The following VGLL4 variants were observed in gnomAD, a reference collection of about 807,000 sequenced individuals.
VGLL4 encodes vestigial like family member 4.
Under a neutral mutation model 21.0 loss-of-function variants are expected in VGLL4, and 7 were observed. The observed-to-expected ratio is 0.33, with a 90% confidence interval of 0.19 to 0.63. VGLL4 has a LOEUF of 0.63. VGLL4 is among the 20% of genes least tolerant of loss of function. The probability of loss-of-function intolerance (pLI) is 0.78; values close to 1 mark genes in which losing one functional copy is unlikely to be tolerated. For synonymous variants in VGLL4, 222 were observed against 173.2 expected (o/e 1.28, Z -2.21); for missense variants, 394 against 425.7 (o/e 0.93, Z 0.66).
intron 2 of VGLL4, among the ~76,000 whole-genome samples, chr3:11,664,022 C>T (rs532148624): frequency 2.0e-5 from 3 of 152,162 alleles, no homozygotes; most frequent in Admixed American, 1.3e-4. Flanking sequence ...GAGTCCAAGG[C>T]GGGAGGATCA....
intron 2 of VGLL4, among the ~76,000 whole-genome samples, chr3:11,586,023 T>C (rs2125234744): frequency 6.6e-6 from 1 of 152,220 alleles, no homozygotes; most frequent in African/African-American, 2.4e-5. Flanking sequence ...CCCTTCCCCC[T>C]GCAAAGTGGG....
intron 1 of VGLL4, chr3:11,611,481 T>C (rs1215198723): frequency 6.6e-6 from 1 of 152,178 alleles, no homozygotes; most frequent in Non-Finnish European, 1.5e-5. Flanking sequence ...AGTTAATACA[T>C]TTCTGTTGTT....
intron 1 of VGLL4, among the ~76,000 whole-genome samples, chr3:11,636,465 C>T (rs996881924): frequency 3.3e-5 from 5 of 152,200 alleles, no homozygotes; most frequent in Non-Finnish European, 7.3e-5. Flanking sequence ...TAGAAACGTG[C>T]TGCTCTCTAA....
In VGLL4 at chr3:11,561,891, C is replaced by CTTTT. The variant is rs35380668; in HGVS notation, c.496-2440_496-2437dup. ...AACCCCCAAGGCTGGCTGCGCCAAA[C>CTTTT]TTTTTTTTTTTTTTTTTTTTTTTTT... On this transcript the variant is annotated intron_variant, in intron 3 of 4. Transcript: ENST00000430365. Among the ~76,000 whole-genome samples the CTTTT allele has an allele frequency of 9.1e-3, 805 of 88,588 alleles. 22 individuals carry two copies. Among genetic ancestry groups the CTTTT allele is most frequent in the African/African-American group, 0.034 (740 of 21,512 alleles). 58.1% of individuals were successfully genotyped at this position (88,588 alleles called of 152,430 possible).
At chr3:11,566,711 G>A (rs2073549160) in intron 2 of VGLL4, among the ~76,000 whole-genome samples, 1 of 152,136 alleles carries the variant, frequency 6.6e-6, no homozygotes, top group Non-Finnish European at 1.5e-5. Context: ...GCCAACCACA[G>A]CTGCAGTGTA....
intron 1 of VGLL4, among the ~76,000 whole-genome samples, chr3:11,640,594 G>A (rs1395916671): frequency 1.3e-5 from 2 of 152,080 alleles, no homozygotes; most frequent in Non-Finnish European, 2.9e-5. Flanking sequence ...TCTCCCTAAC[G>A]TCTCCTTCTC....
chr3:11,567,067 G>A (rs959443011), intron 2 of VGLL4, among the ~76,000 whole-genome samples: 1 of 151,994 alleles, frequency 6.6e-6, no homozygotes, highest in Non-Finnish European at 1.5e-5. Flanking sequence ...CTGAGCAGGA[G>A]AAGCACCAGA....
chr3:11,623,752 T>A (rs960469343), intron 1 of VGLL4, among the ~76,000 whole-genome samples: 2 of 151,786 alleles, frequency 1.3e-5, no homozygotes, highest in East Asian at 1.9e-4. Flanking sequence ...AAATTTTCTT[T>A]TTTTTTTTTT....
rs527490141 is a variant in VGLL4, at chr3:11,565,205, C to T, written c.273-186G>A. Reference sequence around the variant, plus strand: ...GCCGGACACCAAAGCCTCTGGGTGCCGGAGAAGCTGCTGCCAGCGGAGTCC... The same window carrying T: ...GCCGGACACCAAAGCCTCTGGGTGCTGGAGAAGCTGCTGCCAGCGGAGTCC... On this transcript the variant is annotated intron_variant, in intron 2 of 4. Coordinates refer to ENST00000430365, the MANE Select transcript of VGLL4 (RefSeq NM_001128219.3). The surrounding 1 kb of genome is among the most constrained non-coding windows in gnomAD (Gnocchi z 4.1). Among the ~76,000 whole-genome samples, 2 of 152,224 alleles carry T rather than the reference C, an allele frequency of 1.3e-5. No individual in the cohort carries two copies. Among genetic ancestry groups the T allele is most frequent in the East Asian group, 1.9e-4 (1 of 5,166 alleles).
intron 2 of VGLL4, among the ~76,000 whole-genome samples, chr3:11,672,853 G>A (rs1216029434): frequency 6.6e-6 from 1 of 152,154 alleles, no homozygotes; most frequent in East Asian, 1.9e-4. Context: ...TTATAAACAC[G>A]TACCTAAGAA....
intron 1 of VGLL4, among the ~76,000 whole-genome samples, chr3:11,715,396 C>G (rs1043088549): frequency 2.6e-5 from 4 of 151,982 alleles, no homozygotes; most frequent in Non-Finnish European, 5.9e-5. Context: ...TGCAATGGTG[C>G]GATCTCAGCT....
intron 2 of VGLL4, among the ~76,000 whole-genome samples, chr3:11,601,047 T>A (rs560936617): frequency 6.6e-6 from 1 of 152,260 alleles, no homozygotes; most frequent in South Asian, 2.1e-4. Context: ...AGCCTCTCCC[T>A]CTGCGAGGAG....
chr3:11,678,866 T>A (rs1008758763), intron 2 of VGLL4, among the ~76,000 whole-genome samples: 2 of 152,214 alleles, frequency 1.3e-5, no homozygotes, highest in Admixed American at 1.3e-4. Context: ...ACAGATGGCA[T>A]ATGCCACGGT....
At chr3:11,643,402 A>G (rs1447694836) in intron 1 of VGLL4, 35 bp downstream of exon 1, 2 of 1,613,916 alleles carry the variant, frequency 1.2e-6, no homozygotes, top group South Asian at 2.2e-5. Flanking sequence ...GGCCGGGACG[A>G]GCAACGGGCA....
At chr3:11,585,445 AAGAG>A (rs200204453) in intron 2 of VGLL4, among the ~76,000 whole-genome samples, 3,251 of 151,080 alleles carry the variant, frequency 0.022, 108 homozygotes, top group African/African-American at 0.073. Flanking sequence ...AAAAAAAAAA[AAGAG>A]AGAGAGAGAG....
In VGLL4 at chr3:11,559,386, C is replaced by A. The variant is rs200044987; in HGVS notation, c.565G>T (p.Ala189Ser). 1.9e-6 allele frequency: 3 copies of A among 1,557,866 alleles called. No homozygotes were observed. The highest frequency in any genetic ancestry group is 2.6e-6 in the Non-Finnish European group (3 of 1,151,706). ...CCGGGCGCGGCACAGCCGCTGTGCG[C>A]GATGGGGCAGTGCGAGAGGTTGCAG... ...RNCNLSHCPIAHSGCAAPGPA... is the reference protein window; with the variant it reads ...RNCNLSHCPISHSGCAAPGPA... Residue 189 changes from alanine to serine, a missense_variant, in exon 4 of 5, where the codon GCG (alanine) becomes TCG (serine). Physicochemically the swap from Ala to Ser is moderately conservative, Grantham distance 99. Coordinates refer to ENST00000430365, the MANE Select transcript of VGLL4 (RefSeq NM_001128219.3).
At chr3:11,559,084 G>C (rs891696667) in intron 4 of VGLL4, among the ~76,000 whole-genome samples, 24 of 152,236 alleles carry the variant, frequency 1.6e-4, no homozygotes, top group African/African-American at 5.1e-4. Flanking sequence ...TTAAATAACA[G>C]TAGCCGCTGC....
chr3:11,573,541 C>T (rs2073940905), intron 2 of VGLL4, among the ~76,000 whole-genome samples: 2 of 152,176 alleles, frequency 1.3e-5, no homozygotes, highest in South Asian at 4.1e-4. Flanking sequence ...GGCAGCCATC[C>T]ACTTTGCTGT....
chr3:11,617,201 G>A (rs929919140), intron 1 of VGLL4, among the ~76,000 whole-genome samples: 1 of 152,152 alleles, frequency 6.6e-6, no homozygotes, highest in African/African-American at 2.4e-5. Flanking sequence ...AGAAATGATG[G>A]GTATGAGCAT....
Sources: gnomAD v4.1 joint callset for allele counts (sites outside exome capture counted in the v4.1 genomes callset) on GRCh38, gnomAD v4.1.1 for gene constraint, Gnocchi (gnomAD v3.1) non-coding constraint, MANE v1.5 for transcripts, NCBI Gene and HGNC (gene_info 2026-07-23, HGNC 2026-07-21) for gene names.